The following PDSS2 variants were observed in gnomAD, a reference collection of about 807,000 sequenced individuals.
The protein encoded by PDSS2 is all trans-polyprenyl-diphosphate synthase PDSS2.
In PDSS2, 31 loss-of-function variants were observed where a neutral mutation model predicts 44.5. The ratio of observed to expected loss-of-function variants is 0.70; its 90% CI spans 0.52 to 0.94. PDSS2 has a LOEUF of 0.94. Ranked by LOEUF, PDSS2 falls within the 40% of genes least tolerant of loss-of-function variation. The pLI, the probability that PDSS2 is intolerant of heterozygous loss-of-function variation, is 0.00. For synonymous variants in PDSS2, 157 were observed against 180.3 expected (o/e 0.87, Z 1.03); for missense variants, 452 against 482.2 (o/e 0.94, Z 0.59).
chr6:107,159,142 G>A (rs889893814), intron 7 of PDSS2, among the ~76,000 whole-genome samples: 4 of 152,010 alleles, frequency 2.6e-5, no homozygotes, highest in African/African-American at 9.7e-5. Flanking sequence ...ATAGATGCTC[G>A]GATGACTTAG....
chr6:107,332,243 T>A (rs1485319970), intron 2 of PDSS2, among the ~76,000 whole-genome samples: 3 of 152,090 alleles, frequency 2.0e-5, no homozygotes, highest in Non-Finnish European at 2.9e-5. Flanking sequence ...TAGCTGGGAC[T>A]ACAGGCACAT....
chr6:107,317,608 G>C (rs1777242288), intron 2 of PDSS2, among the ~76,000 whole-genome samples: 1 of 152,168 alleles, frequency 6.6e-6, no homozygotes, highest in Non-Finnish European at 1.5e-5. Flanking sequence ...GAACAAAGTG[G>C]AATTCTGTCA....
At chr6:107,377,932 T>C (rs1562498836) in intron 1 of PDSS2, among the ~76,000 whole-genome samples, 1 of 151,882 alleles carries the variant, frequency 6.6e-6, no homozygotes, top group Non-Finnish European at 1.5e-5. Context: ...ATATACCTAA[T>C]GCTAAATGAC....
At chr6:107,156,663 C>A (rs1366239751) in intron 7 of PDSS2, among the ~76,000 whole-genome samples, 1 of 152,166 alleles carries the variant, frequency 6.6e-6, no homozygotes, top group Non-Finnish European at 1.5e-5. Context: ...TGAGGGATGT[C>A]ACTTTGTGGC....
intron 1 of PDSS2, among the ~76,000 whole-genome samples, chr6:107,379,064 C>T (rs908799663): frequency 5.9e-5 from 9 of 152,168 alleles, no homozygotes; most frequent in African/African-American, 2.2e-4. Flanking sequence ...TAAGGAGTCC[C>T]GGGGAAGTTA....
chr6:107,177,131 CTT>C (rs5878907), intron 7 of PDSS2, among the ~76,000 whole-genome samples: 45,271 of 119,628 alleles, frequency 0.38, 7,006 homozygotes, highest in African/African-American at 0.45. Flanking sequence ...TAATGTAATT[CTT>C]TTTTTTTTTT....
At chr6:107,326,800 C>T (rs1777561190) in intron 2 of PDSS2, among the ~76,000 whole-genome samples, 2 of 150,898 alleles carry the variant, frequency 1.3e-5, no homozygotes, top group Admixed American at 6.6e-5. Context: ...TGCAGTGAGC[C>T]GAGATCATGC....
intron 2 of PDSS2, among the ~76,000 whole-genome samples, chr6:107,290,070 A>G (rs1776293831): frequency 6.6e-6 from 1 of 152,164 alleles, no homozygotes; most frequent in African/African-American, 2.4e-5. Flanking sequence ...GCCTGGTCCT[A>G]TTTTAGTATT....
At chr6:107,397,369 T>C (rs970549789) in intron 1 of PDSS2, among the ~76,000 whole-genome samples, 1 of 152,206 alleles carries the variant, frequency 6.6e-6, no homozygotes, top group Non-Finnish European at 1.5e-5. Context: ...TAGTTTTCAG[T>C]GCCATATACC....
intron 1 of PDSS2, among the ~76,000 whole-genome samples, chr6:107,338,053 T>C (rs1350941904): frequency 1.3e-5 from 2 of 152,138 alleles, no homozygotes; most frequent in African/African-American, 4.8e-5. Context: ...CAAAACACCA[T>C]TTCTTTAAAT....
Position 107,294,150 on chromosome 6 carries a change from T to C in PDSS2, c.432-19923A>G, listed in dbSNP as rs184048261. ...ACCAAAGAGGGAACCTTGGCAGGCT[T>C]CACTTAGGCCATCAAATGTGTCTGA... On this transcript the variant is annotated intron_variant, in intron 2 of 7. Transcript: ENST00000369037. 7.2e-5 allele frequency among the ~76,000 whole-genome samples: 11 copies of C among 152,260 alleles called. No individual in the cohort carries two copies. In the East Asian group the frequency reaches 2.1e-3, roughly 29 times the overall value.
intron 4 of PDSS2, among the ~76,000 whole-genome samples, chr6:107,241,028 C>G (rs977996302): frequency 6.6e-6 from 1 of 151,730 alleles, no homozygotes; most frequent in Non-Finnish European, 1.5e-5. Context: ...GAGGATGGGT[C>G]GCTTGAGGCC....
rs184273000 is a variant in PDSS2, at chr6:107,254,311, C to T, written c.631-8692G>A. Among the ~76,000 whole-genome samples, 105 of 151,784 alleles carry T rather than the reference C, an allele frequency of 6.9e-4. No individual in the cohort carries two copies. The East Asian group carries it at 0.019, about 27-fold the overall frequency. ...CTTCCCAAAGTGGTGGGATTACAGA[C>T]GTGAGCCACTGCGCCTGGCCGAAAA... On this transcript the variant is annotated intron_variant, in intron 3 of 7. Coordinates refer to ENST00000369037, the MANE Select transcript of PDSS2 (RefSeq NM_020381.4).
At chr6:107,206,368 G>A (rs904618114) in intron 6 of PDSS2, among the ~76,000 whole-genome samples, 4 of 152,098 alleles carry the variant, frequency 2.6e-5, no homozygotes, top group Non-Finnish European at 5.9e-5. Flanking sequence ...CACCATGCCC[G>A]GCCTGTTTCT....
intron 1 of PDSS2, among the ~76,000 whole-genome samples, chr6:107,443,384 C>T (rs1306970632): frequency 6.6e-6 from 1 of 152,194 alleles, no homozygotes; most frequent in African/African-American, 2.4e-5. Context: ...CTTTCCTTTG[C>T]TTTTTAAATA....
chr6:107,313,415 T>C (rs996692519), intron 2 of PDSS2, among the ~76,000 whole-genome samples: 16 of 152,170 alleles, frequency 1.1e-4, no homozygotes, highest in Non-Finnish European at 5.9e-5. Flanking sequence ...TGCAGTGGCA[T>C]GATCTCGGCT....
intron 1 of PDSS2, among the ~76,000 whole-genome samples, chr6:107,372,980 A>C (rs1779171970): frequency 7.5e-6 from 1 of 133,296 alleles, no homozygotes; most frequent in Non-Finnish European, 1.5e-5. Context: ...CAAGTCTAAT[A>C]ATCTTTTTTT....
At chr6:107,333,759 C>T (rs1357251529) in intron 2 of PDSS2, among the ~76,000 whole-genome samples, 1 of 152,146 alleles carries the variant, frequency 6.6e-6, no homozygotes, top group African/African-American at 2.4e-5. Flanking sequence ...TGGTCTCAAA[C>T]TCTTGGTCTC....
intron 2 of PDSS2, among the ~76,000 whole-genome samples, chr6:107,330,784 T>A (rs550172562): frequency 1.3e-5 from 2 of 152,308 alleles, no homozygotes; most frequent in East Asian, 1.9e-4. Context: ...AACCTAAAGT[T>A]CACAGTCTTG....
Sources: allele counts gnomAD v4.1 joint callset (sites outside exome capture counted in the v4.1 genomes callset), GRCh38; gene constraint gnomAD v4.1.1; transcripts MANE v1.5; gene names NCBI Gene and HGNC (gene_info 2026-07-23, HGNC 2026-07-21).